The following DENND4C variants were observed in gnomAD, a reference collection of about 807,000 sequenced individuals.
DENND4C encodes the protein DENN domain containing 4C.
In DENND4C, 108 loss-of-function variants were observed where a neutral mutation model predicts 203.0. The ratio of observed to expected loss-of-function variants is 0.53; its 90% confidence interval spans 0.46 to 0.62. The LOEUF is 0.62. Ranked by LOEUF, DENND4C falls within the 20% of genes least tolerant of loss-of-function variation. The pLI, the probability that DENND4C is intolerant of heterozygous loss-of-function variation, is 0.00. For synonymous variants in DENND4C, 871 were observed against 792.4 expected, an observed-to-expected ratio of 1.10 and a Z score of -1.67; for missense variants, 2,481 against 2,301.2, an observed-to-expected ratio of 1.08 and a Z score of -1.60.
chr9:19,244,438 A>AT (rs930754219), intron 1 of DENND4C, among the ~76,000 whole-genome samples: 1 of 151,786 alleles, frequency 6.6e-6, no homozygotes, highest in Admixed American at 6.6e-5. Context: ...ATATGTCTTG[A>AT]TTTTTAAAAG....
rs1203955887 is a variant in DENND4C at position 19,316,417 on chromosome 9, A to G, written c.1488A>G (p.Val496=). ...CIDLDTNMLY[V]SDEKKNMNWK... is the part of the protein sequence containing the mutation. Reference sequence around the variant, plus strand: ...TATGAATTTTGTTCTGATTTAATAGATCAGATGAAAAGAAGAACATGAACT... The same window carrying G: ...TATGAATTTTGTTCTGATTTAATAGGTCAGATGAAAAGAAGAACATGAACT... The change falls in exon 11 of 33, where the codon GTA becomes GTG. Residue 496 remains valine (V), a splice_region_variant and synonymous_variant. Coordinates refer to ENST00000434457, the MANE Select transcript of DENND4C (RefSeq NM_001330640.2). 1 of 1,612,148 alleles carries G rather than the reference A, an allele frequency of 6.2e-7. No individual in the cohort carries two copies. Among genetic ancestry groups the G allele is most frequent in the Non-Finnish European group, 8.5e-7 (1 of 1,179,078 alleles).
chr9:19,240,165 A>G (rs1294180349), intron 1 of DENND4C, among the ~76,000 whole-genome samples: 1 of 152,014 alleles, frequency 6.6e-6, no homozygotes, highest in East Asian at 1.9e-4. Context: ...TCATTGGGCA[A>G]TTTCTTTATT....
At chr9:19,271,036 A>G (rs1057238613) in intron 1 of DENND4C, among the ~76,000 whole-genome samples, 2 of 152,202 alleles carry the variant, frequency 1.3e-5, no homozygotes, top group Admixed American at 6.6e-5. Context: ...GAAGACCTGT[A>G]TGTTGCAAAC....
Position 19,316,612 on chromosome 9 carries a change from C to T in DENND4C, c.1589-9C>T. 6.2e-7 allele frequency: 1 copy of T among 1,611,154 alleles called. No individual in the cohort carries two copies. Among genetic ancestry groups the T allele is most frequent in the African/African-American group, 1.3e-5 (1 of 74,700 alleles). The stretch of plus-strand genomic sequence containing the variant: ...TAATACCATTTTCTGTTTTTATTTC[C>T]TTTGTTAGTTCACCAAAAAACTCAA... On this transcript the variant is annotated splice_polypyrimidine_tract_variant and intron_variant, in intron 11 of 32. Coordinates refer to ENST00000434457, the MANE Select transcript of DENND4C (RefSeq NM_001330640.2).
At chr9:19,292,027 A>T (rs1836427059) in intron 5 of DENND4C, among the ~76,000 whole-genome samples, 1 of 150,186 alleles carries the variant, frequency 6.7e-6, no homozygotes, top group African/African-American at 2.5e-5. Context: ...AAATAATCCC[A>T]CCTCTTTTTT....
chr9:19,349,236 A>G (rs1366656865), intron 23 of DENND4C, among the ~76,000 whole-genome samples: 4 of 152,062 alleles, frequency 2.6e-5, no homozygotes, highest in African/African-American at 9.7e-5. Flanking sequence ...GTGAAACCCC[A>G]TCTATACAAA....
chr9:19,328,731 G>T (rs902230309), intron 16 of DENND4C, among the ~76,000 whole-genome samples: 1 of 151,870 alleles, frequency 6.6e-6, no homozygotes, highest in Non-Finnish European at 1.5e-5. Flanking sequence ...GTTTTTGAAT[G>T]CTTATATTTA....
chr9:19,255,904 GAC>G (rs1275034845), intron 1 of DENND4C, among the ~76,000 whole-genome samples: 1 of 151,994 alleles, frequency 6.6e-6, no homozygotes, highest in Non-Finnish European at 1.5e-5. Flanking sequence ...ACAACAGAGA[GAC>G]ATTCTGCTAA....
Position 19,358,163 on chromosome 9 carries a change from A to G in DENND4C, c.5160+3A>G, listed in dbSNP as rs748019188. On this transcript the variant is annotated splice_donor_region_variant and intron_variant, in intron 28 of 32. Coordinates refer to ENST00000434457, the MANE Select transcript of DENND4C (RefSeq NM_001330640.2). This position sits in a 1 kb window ranked among gnomAD's most constrained non-coding sequence, Gnocchi z 4.8. ...CAAATAGTCTGCAGGAAGTTGTGGT[A>G]TGTAACAACAACAACATTGTAATTA... is the stretch of plus-strand genomic sequence containing the variant. The G allele has an allele frequency of 6.2e-7, 1 of 1,610,420 alleles. No individual in the cohort carries two copies. Among genetic ancestry groups the G allele is most frequent in the Non-Finnish European group, 8.5e-7 (1 of 1,177,190 alleles).
In DENND4C at chr9:19,323,369, G is replaced by A. The variant is rs554585313; in HGVS notation, c.1808-993G>A. Among the ~76,000 whole-genome samples the A allele has an allele frequency of 5.3e-5, 8 of 151,954 alleles. No individual in the cohort carries two copies. In the South Asian group the frequency reaches 1.0e-3, roughly 20 times the overall value. ...CACTTAAACCTGGGAGGCAGAGGTT[G>A]CAGTGAGCCAAGATCACATTACTGC... On this transcript the variant is annotated intron_variant, in intron 12 of 32. Coordinates refer to ENST00000434457, the MANE Select transcript of DENND4C (RefSeq NM_001330640.2).
chr9:19,368,803 A>T (rs1312829337), intron 30 of DENND4C, among the ~76,000 whole-genome samples: 1 of 151,706 alleles, frequency 6.6e-6, no homozygotes, highest in Non-Finnish European at 1.5e-5. Flanking sequence ...CTGTCTAAAA[A>T]GTTATGAATT....
intron 1 of DENND4C, among the ~76,000 whole-genome samples, chr9:19,270,601 A>G (rs943843085): frequency 2.0e-5 from 3 of 152,150 alleles, no homozygotes; most frequent in African/African-American, 7.2e-5. Context: ...TCATCTCTTG[A>G]TGGTTACTTG....
chr9:19,335,410 A>G (rs1438091144), intron 18 of DENND4C, among the ~76,000 whole-genome samples: 1 of 152,180 alleles, frequency 6.6e-6, no homozygotes, highest in Admixed American at 6.5e-5. Context: ...CATTGTTATT[A>G]ACTGTAGTCC....
At chr9:19,307,161 G>A (rs111851855) in intron 10 of DENND4C, among the ~76,000 whole-genome samples, 1 of 152,088 alleles carries the variant, frequency 6.6e-6, no homozygotes, top group Admixed American at 6.5e-5. Context: ...ACTTTCGGAG[G>A]CTGAGGCAGG....
At chr9:19,322,806 A>G (rs1843110443) in intron 12 of DENND4C, among the ~76,000 whole-genome samples, 1 of 151,536 alleles carries the variant, frequency 6.6e-6, no homozygotes, top group Non-Finnish European at 1.5e-5. Context: ...TGCTCCCTGC[A>G]CAAAAAACCC....
intron 15 of DENND4C, 102 bp from the exon 16 acceptor site, chr9:19,327,928 T>G: frequency 9.1e-7 from 1 of 1,100,952 alleles, no homozygotes. Context: ...TAAAATAATG[T>G]TGGATACTAT....
intron 2 of DENND4C, among the ~76,000 whole-genome samples, chr9:19,285,332 T>G (rs747164263): frequency 1.3e-5 from 2 of 152,158 alleles, no homozygotes; most frequent in Admixed American, 6.5e-5. Context: ...TACAGTTCAC[T>G]TACTTAAAGT....
Position 19,330,156 on chromosome 9 carries a change from C to T in DENND4C, c.2254-1822C>T, listed in dbSNP as rs538909248. On this transcript the variant is annotated intron_variant, in intron 16 of 32. Coordinates refer to ENST00000434457, the MANE Select transcript of DENND4C (RefSeq NM_001330640.2). ...GCTAACAAAAGGCAAATTTCTAAAA[C>T]GAGAAAATTTTGCTAACTCAGCCTC... is the stretch of plus-strand genomic sequence containing the variant. Among the ~76,000 whole-genome samples the T allele has an allele frequency of 9.2e-5, 14 of 151,708 alleles. No individual in the cohort carries two copies. The South Asian group carries it at 1.9e-3, about 20-fold the overall frequency.
intron 2 of DENND4C, among the ~76,000 whole-genome samples, chr9:19,282,454 T>G (rs4977528): frequency 6.6e-6 from 1 of 150,772 alleles, no homozygotes; most frequent in African/African-American, 2.4e-5. Context: ...GGGTTTCGCC[T>G]TGTTGCCCAG....
Sources: allele counts gnomAD v4.1 joint callset (sites outside exome capture counted in the v4.1 genomes callset), GRCh38; gene constraint gnomAD v4.1.1; non-coding constraint Gnocchi (gnomAD v3.1); transcripts MANE v1.5; gene names NCBI Gene and HGNC (gene_info 2026-07-23, HGNC 2026-07-21).